PRMT8: variants seen among roughly 807,000 people sequenced by gnomAD.
The protein encoded by PRMT8 is protein arginine methyltransferase 8.
Under a neutral mutation model 47.1 loss-of-function variants are expected in PRMT8, and 7 were observed. That is an observed-to-expected ratio of 0.15 (90% confidence interval 0.08 to 0.28). The LOEUF (loss-of-function observed/expected upper bound fraction) is 0.28. Among genes scored for constraint, PRMT8 ranks in the 10% least tolerant of loss-of-function variants. PRMT8 has a pLI of 1.00. For missense variants in PRMT8, 237 were observed against 505.4 expected (o/e 0.47, Z 5.09); for synonymous variants, 188 against 186.5 (o/e 1.01, Z -0.07).
At chr12:3,560,674 C>A (rs1416631334) in intron 4 of PRMT8, among the ~76,000 whole-genome samples, 1 of 152,160 alleles carries the variant, frequency 6.6e-6, no homozygotes, top group East Asian at 1.9e-4. Context: ...AAAAAGCATG[C>A]CCCTCCTTGT....
At chr12:3,515,531 A>T (rs1043551943) in intron 1 of PRMT8, among the ~76,000 whole-genome samples, 1 of 152,230 alleles carries the variant, frequency 6.6e-6, no homozygotes, top group African/African-American at 2.4e-5. Flanking sequence ...TAAAATAAAA[A>T]AAAAGAAATG....
Position 3,389,078 on chromosome 12 carries a change from G to C in PRMT8, c.48+7636G>C, listed in dbSNP as rs537823954. ...TTACATTCTGGAATCATCCATTCCA[G>C]TGTGAGAAAGACCACTACATACATT... On this transcript the variant is annotated intron_variant, in intron 1 of 9. Transcript: ENST00000452611. Among the ~76,000 whole-genome samples the C allele has an allele frequency of 1.2e-4, 19 of 152,326 alleles. No homozygotes were observed. The South Asian group carries it at 3.7e-3, about 30-fold the overall frequency.
intron 1 of PRMT8, among the ~76,000 whole-genome samples, chr12:3,444,423 G>A (rs1864835870): frequency 1.3e-5 from 2 of 152,188 alleles, no homozygotes; most frequent in Admixed American, 6.5e-5. Flanking sequence ...CAGCCCCAGA[G>A]CTAGACTTGC....
At chr12:3,444,987 T>C (rs556905732) in intron 1 of PRMT8, among the ~76,000 whole-genome samples, 3 of 152,140 alleles carry the variant, frequency 2.0e-5, no homozygotes, top group Admixed American at 2.0e-4. Context: ...TTAGGGGTGA[T>C]GGGGAAGGGA....
At chr12:3,567,851 A>G (rs8181720) in intron 4 of PRMT8, among the ~76,000 whole-genome samples, 8,163 of 152,190 alleles carry the variant, frequency 0.054, 271 homozygotes, top group Middle Eastern at 0.11. Context: ...AGGCGGGTAG[A>G]TCACCTGAGG....
chr12:3,552,979 C>T lies in PRMT8; in HGVS notation c.418-672C>T. On this transcript the variant is annotated intron_variant, in intron 3 of 9. Transcript: ENST00000382622. The surrounding 1 kb of genome is among the most constrained non-coding windows in gnomAD (Gnocchi z 4.5). Reference sequence around the variant, plus strand: ...ACGCTAACCCTGGGCTGGAGCTTGGCTTCCAACCATTCCCATGAGGGCCTG... The same window carrying T: ...ACGCTAACCCTGGGCTGGAGCTTGGTTTCCAACCATTCCCATGAGGGCCTG... 1 of 322,912 alleles carries T rather than the reference C, an allele frequency of 3.1e-6. No homozygotes were observed. 20.0% of individuals were successfully genotyped at this position (322,912 alleles called of 1,614,324 possible).
chr12:3,528,325 T>TA (rs1865976391), intron 1 of PRMT8, among the ~76,000 whole-genome samples: 1 of 152,214 alleles, frequency 6.6e-6, no homozygotes, highest in African/African-American at 2.4e-5. Context: ...AGCTCAATGA[T>TA]ATTCTGTTTA....
At chr12:3,561,527 G>T (rs1181472350) in intron 4 of PRMT8, among the ~76,000 whole-genome samples, 2 of 152,152 alleles carry the variant, frequency 1.3e-5, no homozygotes, top group Non-Finnish European at 2.9e-5. Flanking sequence ...CTCTCCTGGG[G>T]TCACTGCTCC....
chr12:3,472,436 G>A (rs915440901), intron 1 of PRMT8, among the ~76,000 whole-genome samples: 10 of 152,242 alleles, frequency 6.6e-5, no homozygotes, highest in African/African-American at 2.4e-4. Context: ...GGACAGGAGT[G>A]GGTAAAGGTG....
intron 1 of PRMT8, among the ~76,000 whole-genome samples, chr12:3,390,019 C>T (rs998081949): frequency 6.6e-6 from 1 of 152,264 alleles, no homozygotes; most frequent in Non-Finnish European, 1.5e-5. Flanking sequence ...GCTTGAGCCT[C>T]CTCCAAGGCT....
chr12:3,537,181 TGGTTG>T (rs1223841836), intron 1 of PRMT8, among the ~76,000 whole-genome samples: 2 of 152,250 alleles, frequency 1.3e-5, no homozygotes, highest in African/African-American at 2.4e-5. Flanking sequence ...TGCAGAGCTG[TGGTTG>T]TTTTGGTGGG....
chr12:3,455,772 G>A (rs890102112), intron 1 of PRMT8, among the ~76,000 whole-genome samples: 17 of 152,148 alleles, frequency 1.1e-4, no homozygotes, highest in African/African-American at 3.1e-4. Context: ...GCCAGAAAGT[G>A]GAGGGAAGGC....
At chr12:3,471,231 G>A (rs1464265010) in intron 1 of PRMT8, among the ~76,000 whole-genome samples, 5 of 152,020 alleles carry the variant, frequency 3.3e-5, no homozygotes, top group African/African-American at 1.2e-4. Context: ...GGAAGGAGAG[G>A]GGCAAGGTGG....
At chr12:3,536,438 C>G (rs1866119075) in intron 1 of PRMT8, among the ~76,000 whole-genome samples, 1 of 152,226 alleles carries the variant, frequency 6.6e-6, no homozygotes, top group Non-Finnish European at 1.5e-5. Flanking sequence ...TGGGGAGAGT[C>G]TCAGGGAGCC....
Position 3,456,858 on chromosome 12 carries a change from C to T in PRMT8, c.48+75416C>T, listed in dbSNP as rs2137084747. On this transcript the variant is annotated intron_variant, in intron 1 of 9. Transcript: ENST00000452611. The surrounding 1 kb of genome is among the most constrained non-coding windows in gnomAD (Gnocchi z 4.2). Reference sequence around the variant, plus strand: ...AAAGCAGATCAACAACAGAACAGCACCTGGGGCTCTCTTAAAGGCTTTAAA... The same window carrying T: ...AAAGCAGATCAACAACAGAACAGCATCTGGGGCTCTCTTAAAGGCTTTAAA... 6.6e-6 allele frequency among the ~76,000 whole-genome samples: 1 copy of T among 152,296 alleles called. No homozygotes were observed. The highest frequency in any genetic ancestry group is 2.4e-5 in the African/African-American group (1 of 41,574).
chr12:3,421,044 C>A (rs1864535277), intron 1 of PRMT8, among the ~76,000 whole-genome samples: 1 of 152,208 alleles, frequency 6.6e-6, no homozygotes, highest in Non-Finnish European at 1.5e-5. Context: ...TGTGACTATG[C>A]TTTGGAAAGG....
At chr12:3,438,207 G>A (rs2137072454) in intron 1 of PRMT8, among the ~76,000 whole-genome samples, 1 of 152,278 alleles carries the variant, frequency 6.6e-6, no homozygotes, top group East Asian at 1.9e-4. Flanking sequence ...TCAGAGAGGT[G>A]GAGGGAGGCT....
intron 1 of PRMT8, among the ~76,000 whole-genome samples, chr12:3,526,341 T>TTTAA (rs1865949655): frequency 1.3e-5 from 2 of 152,224 alleles, no homozygotes; most frequent in Admixed American, 1.3e-4. Flanking sequence ...CAAATATCTC[T>TTTAA]TTAAGCATGT....
chr12:3,462,400 C>T (rs1044919813), intron 1 of PRMT8, among the ~76,000 whole-genome samples: 7 of 151,914 alleles, frequency 4.6e-5, no homozygotes, highest in Non-Finnish European at 7.4e-5. Context: ...CTGGGTTGTT[C>T]GTTAACCATC....
Sources: allele counts gnomAD v4.1 joint callset (sites outside exome capture counted in the v4.1 genomes callset), GRCh38; gene constraint gnomAD v4.1.1; non-coding constraint Gnocchi (gnomAD v3.1); transcripts MANE v1.5; gene names NCBI Gene and HGNC (gene_info 2026-07-23, HGNC 2026-07-21).